RET: variants seen among roughly 807,000 people sequenced by gnomAD.
RET encodes ret proto-oncogene, also known as proto-oncogene tyrosine-protein kinase receptor Ret.
In RET, 19 loss-of-function variants were observed where a neutral mutation model predicts 118.3. The observed-to-expected ratio is 0.16, with a 90% confidence interval of 0.11 to 0.24. RET has a LOEUF of 0.24. Ranked by LOEUF, RET falls within the 10% of genes least tolerant of loss-of-function variation. The pLI is 1.00. For synonymous variants in RET, 597 were observed against 644.1 expected (o/e 0.93, Z 1.11); for missense variants, 1,219 against 1,502.1 (o/e 0.81, Z 3.12).
chr10:43,092,894 C>G (rs1837439337), intron 1 of RET, among the ~76,000 whole-genome samples: 1 of 152,172 alleles, frequency 6.6e-6, no homozygotes, highest in South Asian at 2.1e-4. Context: ...GCCCGTGGCT[C>G]CAGTGCCCGT....
chr10:43,111,102 A>G, intron 6 of RET, 105 bp from the exon 7 acceptor site: 1 of 1,541,628 alleles, frequency 6.5e-7, no homozygotes, highest in Non-Finnish European at 8.8e-7. Context: ...CTCCAGGCCC[A>G]GTTGGGGGCT....
intron 1 of RET, among the ~76,000 whole-genome samples, chr10:43,084,241 C>G (rs993270721): frequency 1.3e-4 from 20 of 152,362 alleles, no homozygotes; most frequent in African/African-American, 4.8e-4. Flanking sequence ...CATACCTGGA[C>G]ATGAAATCGC....
At chr10:43,095,957 T>C (rs766129628) in intron 1 of RET, among the ~76,000 whole-genome samples, 3 of 152,094 alleles carry the variant, frequency 2.0e-5, no homozygotes, top group Non-Finnish European at 2.9e-5. Context: ...ATCCTCTTAG[T>C]TTCTCAGACA....
At chr10:43,110,697 G>C (rs990661507) in intron 6 of RET, among the ~76,000 whole-genome samples, 1 of 152,064 alleles carries the variant, frequency 6.6e-6, no homozygotes. Flanking sequence ...CCATGCTCCC[G>C]AGTCTTGTGG....
intron 1 of RET, among the ~76,000 whole-genome samples, chr10:43,087,319 A>G (rs576178661): frequency 2.4e-4 from 37 of 152,298 alleles, no homozygotes; most frequent in African/African-American, 7.2e-4. Flanking sequence ...TGCACTCCAC[A>G]CCGGGTCTCC....
At position 43,102,586 on chromosome 10, in the gene RET, G is replaced by C. The variant is rs368116579; in HGVS notation, c.582G>C (p.Gln194His). ...ACCAGTTCCGCCTGCTGCCTGTGCA[G>C]TTCTTGTGCCCCAACATCAGCGTGG... is the stretch of plus-strand genomic sequence containing the variant. ...TFHQFRLLPVQFLCPNISVAY... is the reference protein window; with the variant it reads ...TFHQFRLLPVHFLCPNISVAY... Residue 194 changes from glutamine to histidine, a missense_variant, in exon 3 of 20, where the codon CAG becomes CAC. Physicochemically the swap from Gln to His is conservative, Grantham distance 24. Around this residue, in one of 5 missense-constraint regions of RET, gnomAD observed 850 missense variants for 969.6 expected, o/e 0.88. Coordinates refer to ENST00000355710, the MANE Select transcript of RET (RefSeq NM_020975.6). 2 of 1,614,114 alleles carry C rather than the reference G, an allele frequency of 1.2e-6. No individual in the cohort carries two copies. Among genetic ancestry groups the C allele is most frequent in the East Asian group, 4.5e-5 (2 of 44,900 alleles).
chr10:43,109,688 G>A (rs114980633), intron 6 of RET, among the ~76,000 whole-genome samples: 1,620 of 152,272 alleles, frequency 0.011, 32 homozygotes, highest in African/African-American at 0.036. Context: ...GGCAGGAAAC[G>A]CTTCCACTTT....
intron 1 of RET, among the ~76,000 whole-genome samples, chr10:43,092,193 G>T (rs1490468847): frequency 6.6e-6 from 1 of 152,208 alleles, no homozygotes; most frequent in Non-Finnish European, 1.5e-5. Flanking sequence ...CTATGCCATG[G>T]TTGAACCTCG....
In RET at chr10:43,109,220, G is replaced by A. The variant is rs371731991; in HGVS notation, c.1253G>A (p.Arg418Gln). The change falls in exon 6 of 20, where the codon CGA (arginine) becomes CAA (glutamine). Residue 418 changes from arginine to glutamine, a missense_variant. Transcript: ENST00000355710. The part of the protein sequence containing the change: ...YSLSVSRRAR[R>Q]FAQIGKVCVE... ...CTCTCCGTGAGCAGGAGGGCTCGCC[G>A]ATTTGCCCAGGTGAGCCCATACCTA... The A allele has an allele frequency of 1.8e-5, 29 of 1,612,848 alleles. No individual in the cohort carries two copies. Among genetic ancestry groups the A allele is most frequent in the East Asian group, 1.1e-4 (5 of 44,896 alleles).
chr10:43,089,088 C>A (rs1461556468), intron 1 of RET, among the ~76,000 whole-genome samples: 7 of 152,244 alleles, frequency 4.6e-5, no homozygotes, highest in Non-Finnish European at 1.0e-4. Flanking sequence ...CGTGGGGCAG[C>A]CCCCTTGGCC....
At chr10:43,104,223 A>T (rs1837705961) in intron 3 of RET, among the ~76,000 whole-genome samples, 1 of 152,116 alleles carries the variant, frequency 6.6e-6, no homozygotes, top group African/African-American at 2.4e-5. Flanking sequence ...TTTGTTTTCA[A>T]GTGGTAGAAT....
chr10:43,108,083 G>A (rs528688441), intron 5 of RET, among the ~76,000 whole-genome samples: 2 of 151,992 alleles, frequency 1.3e-5, no homozygotes, highest in Non-Finnish European at 2.9e-5. Flanking sequence ...AGTGGCTCAC[G>A]CCTGTAATCC....
Position 43,111,286 on chromosome 10 carries a change from A to G in RET, c.1343A>G (p.Asn448Ser), listed in dbSNP as rs760832715. The G allele has an allele frequency of 1.2e-6, 2 of 1,614,042 alleles. No homozygotes were observed. Among genetic ancestry groups the G allele is most frequent in the East Asian group, 2.2e-5 (1 of 44,898 alleles). The change falls in exon 7 of 20, where the codon AAC (asparagine) becomes AGC (serine). Residue 448 changes from asparagine (N) to serine (S), a missense_variant. Coordinates refer to ENST00000355710, the MANE Select transcript of RET (RefSeq NM_020975.6). ...VQYKLHSSGA[N>S]CSTLGVVTSA... ...TACAAGCTGCATTCCTCTGGTGCCA[A>G]CTGCAGCACGCTAGGGGTGGTCACC...
At position 43,119,651 on chromosome 10, in the gene RET, T is replaced by C; in HGVS notation, c.2513T>C (p.Leu838Pro). ...GGAGGCAGCCGCAACTCCAGCTCCCTGGACCACCCGGATGAGCGGGCCCTC... is the reference window on the plus strand; with the variant it reads ...GGAGGCAGCCGCAACTCCAGCTCCCCGGACCACCCGGATGAGCGGGCCCTC... ...GSGGSRNSSS[L>P]DHPDERALTM... Residue 838 changes from leucine to proline, a missense_variant, in exon 14 of 20, where the codon CTG (leucine) becomes CCG (proline). By Grantham distance (98) the Leu-to-Pro change is moderately conservative. Coordinates refer to ENST00000355710, the MANE Select transcript of RET (RefSeq NM_020975.6). 1.2e-6 allele frequency: 2 copies of C among 1,613,312 alleles called. No homozygotes were observed. Among genetic ancestry groups the C allele is most frequent in the Non-Finnish European group, 1.7e-6 (2 of 1,179,964 alleles).
At chr10:43,094,198 C>T (rs866288186) in intron 1 of RET, among the ~76,000 whole-genome samples, 4 of 151,932 alleles carry the variant, frequency 2.6e-5, no homozygotes, top group South Asian at 2.1e-4. Flanking sequence ...AGGCGGGGAC[C>T]GCCTCTTTCC....
intron 1 of RET, 48 bp from the exon 2 acceptor site, chr10:43,100,408 TGAA>T (rs899063077): frequency 6.2e-7 from 1 of 1,600,058 alleles, no homozygotes; most frequent in Admixed American, 1.7e-5. Flanking sequence ...TTTTTGTCCT[TGAA>T]GAAGCCTTAT....
chr10:43,105,528 C>T (rs548717575), intron 4 of RET, among the ~76,000 whole-genome samples: 22 of 152,260 alleles, frequency 1.4e-4, no homozygotes, highest in Admixed American at 2.6e-4. Context: ...AGCAGTTAGC[C>T]CCCAACGGGA....
chr10:43,078,756 G>A (rs1837111185), intron 1 of RET, among the ~76,000 whole-genome samples: 1 of 152,218 alleles, frequency 6.6e-6, no homozygotes, highest in Admixed American at 6.5e-5. Flanking sequence ...GAGGCTGTGG[G>A]GGCCAGGCTC....
chr10:43,112,070 CT>C (rs767853335), intron 7 of RET, 28 bp from the exon 8 acceptor site: 28 of 1,584,382 alleles, frequency 1.8e-5, no homozygotes, highest in Non-Finnish European at 2.4e-5. Flanking sequence ...GGCCAGCCCC[CT>C]GTGACCCTGC....
Sources: allele counts gnomAD v4.1 joint callset (sites outside exome capture counted in the v4.1 genomes callset), GRCh38; gene constraint gnomAD v4.1.1; regional missense constraint gnomAD v4.1.1; transcripts MANE v1.5; gene names NCBI Gene and HGNC (gene_info 2026-07-23, HGNC 2026-07-21).